The following NEK1 variants were observed in gnomAD, a reference collection of about 807,000 sequenced individuals.
NEK1 encodes the protein NIMA related kinase 1, also known as serine/threonine-protein kinase Nek1.
A neutral mutation model predicts 182.1 loss-of-function variants in NEK1; 137 were observed. The ratio of observed to expected loss-of-function variants is 0.75; its 90% CI spans 0.65 to 0.87. The LOEUF (loss-of-function observed/expected upper bound fraction) is 0.87, where lower values mean the gene tolerates loss of function less well. NEK1 is among the 40% of genes least tolerant of loss of function. The probability of loss-of-function intolerance (pLI) is 0.00; values close to 1 mark genes in which losing one functional copy is unlikely to be tolerated. For synonymous variants in NEK1, 513 were observed against 492.2 expected (o/e 1.04, Z -0.56); for missense variants, 1,391 against 1,494.4 (o/e 0.93, Z 1.14).
At chr4:169,575,032 A>G (rs1456826226) in intron 12 of NEK1, among the ~76,000 whole-genome samples, 2 of 151,780 alleles carry the variant, frequency 1.3e-5, no homozygotes, top group African/African-American at 2.4e-5. Context: ...TTTTGCACCA[A>G]CCTATAGAAA....
At chr4:169,555,615 A>G (rs1762049801) in intron 18 of NEK1, 105 bp downstream of exon 18, 1 of 1,468,922 alleles carries the variant, frequency 6.8e-7, no homozygotes, top group Non-Finnish European at 9.5e-7. Context: ...AAAACATCAT[A>G]TGTGAACAAT....
chr4:169,429,244 G>T (rs1011010451), intron 29 of NEK1, among the ~76,000 whole-genome samples: 3 of 152,082 alleles, frequency 2.0e-5, no homozygotes, highest in African/African-American at 7.2e-5. Context: ...AGTATTTTTA[G>T]CTATCTCCTT....
chr4:169,394,586 C>A (rs1730387396), intron 35 of NEK1, 63 bp from the exon 36 acceptor site: 4 of 1,022,244 alleles, frequency 3.9e-6, no homozygotes, highest in Admixed American at 5.5e-5. Context: ...TTAAAAAAAA[C>A]CCATTCTTGT....
chr4:169,429,858 C>T (rs998246470), intron 29 of NEK1, among the ~76,000 whole-genome samples: 10 of 152,094 alleles, frequency 6.6e-5, no homozygotes, highest in African/African-American at 2.4e-4. Context: ...AATTTATACA[C>T]ATTCTTTATA....
intron 27 of NEK1, among the ~76,000 whole-genome samples, chr4:169,448,372 A>C (rs1579717910): frequency 1.3e-5 from 2 of 152,174 alleles, no homozygotes; most frequent in East Asian, 3.8e-4. Flanking sequence ...CACTGTTGTC[A>C]TCAGTTTAAA....
intron 21 of NEK1, 35 bp from the exon 22 acceptor site, chr4:169,507,827 T>C (rs1319786622): frequency 1.4e-6 from 2 of 1,471,392 alleles, no homozygotes. Flanking sequence ...TCACTTAGGA[T>C]AGAATCATCA....
chr4:169,501,290 A>G (rs1264270868), intron 23 of NEK1, among the ~76,000 whole-genome samples: 1 of 152,158 alleles, frequency 6.6e-6, no homozygotes, highest in African/African-American at 2.4e-5. Flanking sequence ...ACAGACAATA[A>G]TATCATACAA....
At chr4:169,561,588 C>T (rs1309196771) in intron 15 of NEK1, 34 bp from the exon 16 acceptor site, 4 of 1,604,770 alleles carry the variant, frequency 2.5e-6, no homozygotes, top group Non-Finnish European at 3.4e-6. Context: ...AACACCATTT[C>T]AAGTATTTAA....
At chr4:169,586,467 T>A (rs10007145) in intron 9 of NEK1, among the ~76,000 whole-genome samples, 4 of 152,026 alleles carry the variant, frequency 2.6e-5, no homozygotes, top group African/African-American at 9.6e-5. Flanking sequence ...ATTGACACGC[T>A]CTTCATAAAG....
chr4:169,542,323 G>A (rs1024075965), intron 18 of NEK1, among the ~76,000 whole-genome samples: 2 of 152,156 alleles, frequency 1.3e-5, no homozygotes, highest in African/African-American at 4.8e-5. Context: ...CCCTGCAAAG[G>A]ACATGAACTC....
chr4:169,433,653 A>C lies in NEK1; in HGVS notation c.2777T>G (p.Leu926Trp), dbSNP rs777914750. 6.2e-6 allele frequency: 10 copies of C among 1,613,410 alleles called. No homozygotes were observed. The highest frequency in any genetic ancestry group is 8.5e-6 in the Non-Finnish European group (10 of 1,179,576). Residue 926 changes from leucine (L) to tryptophan (W), a missense_variant, in exon 29 of 36, where the codon TTG (leucine) becomes TGG (tryptophan). Coordinates refer to ENST00000507142, the MANE Select transcript of NEK1 (RefSeq NM_001199397.3). ...TGGCTCTTGTAGAATTTCTGTTTCC[A>C]AATCATCAGGTTCTGCAAAGGATAA... Reference protein sequence around the residue: ...LEGNLEEPDDLETEILQEPSG... With the variant: ...LEGNLEEPDDWETEILQEPSG...
At position 169,569,544 on chromosome 4, in the gene NEK1, C is replaced by T. The variant is rs542416242; in HGVS notation, c.1021-7348G>A. Among the ~76,000 whole-genome samples the T allele has an allele frequency of 3.1e-4, 46 of 150,182 alleles. No individual in the cohort carries two copies. The South Asian group carries it at 3.6e-3, about 12-fold the overall frequency. ...CCACAGTCTCCCTCTGATGCCGAGC[C>T]GAAGCTGGACTGTACTGCTGCCATC... On this transcript the variant is annotated intron_variant, in intron 12 of 35. Transcript: ENST00000507142.
intron 19 of NEK1, among the ~76,000 whole-genome samples, chr4:169,528,337 C>A (rs918256626): frequency 1.3e-5 from 2 of 152,198 alleles, no homozygotes; most frequent in Admixed American, 6.5e-5. Context: ...AGAAATGTCT[C>A]TACAAATGCA....
chr4:169,536,408 A>G (rs1309633073), intron 19 of NEK1, among the ~76,000 whole-genome samples: 1 of 152,144 alleles, frequency 6.6e-6, no homozygotes, highest in Non-Finnish European at 1.5e-5. Context: ...AAGGAAAAAG[A>G]TAAGAATGAA....
rs375080016 is a variant in NEK1 at position 169,508,863 on chromosome 4, T to A, written c.1666-11A>T. ...GTTTTGCAGGATTCCCTGTTTATCA[T>A]TTAATGTACTAAGTTTAAAGAATGA... On this transcript the variant is annotated splice_polypyrimidine_tract_variant and intron_variant, in intron 19 of 35. Transcript: ENST00000507142. The A allele has an allele frequency of 2.7e-5, 42 of 1,573,880 alleles. No homozygotes were observed. In the African/African-American group the frequency reaches 5.0e-4, roughly 19 times the overall value.
chr4:169,430,641 T>C (rs185265707), intron 29 of NEK1, among the ~76,000 whole-genome samples: 23 of 152,326 alleles, frequency 1.5e-4, no homozygotes, highest in Admixed American at 1.4e-3. Flanking sequence ...CAGAGGATTG[T>C]ACAGTATCAT....
chr4:169,434,347 G>A lies in NEK1; in HGVS notation c.2765-682C>T, dbSNP rs147278003. 3.3e-3 allele frequency among the ~76,000 whole-genome samples: 503 copies of A among 151,936 alleles called. 3 individuals are homozygous for A. The highest frequency in any genetic ancestry group is 9.3e-3 in the African/African-American group (386 of 41,430). On this transcript the variant is annotated intron_variant, in intron 28 of 35. Transcript: ENST00000507142. ...CCTGCCTCAGCCTCCTGAGTAGCTGGAACTATAGGCACACACTACCACACC... is the reference window on the plus strand; with the variant it reads ...CCTGCCTCAGCCTCCTGAGTAGCTGAAACTATAGGCACACACTACCACACC...
intron 32 of NEK1, among the ~76,000 whole-genome samples, chr4:169,404,795 TTTTAC>T (rs1356835775): frequency 6.7e-6 from 1 of 150,260 alleles, no homozygotes; most frequent in East Asian, 2.0e-4. Flanking sequence ...TTTTTTTTAA[TTTTAC>T]TTTAAGTTTT....
At chr4:169,540,031 AC>A (rs1325017498) in intron 18 of NEK1, among the ~76,000 whole-genome samples, 2 of 152,086 alleles carry the variant, frequency 1.3e-5, no homozygotes, top group Non-Finnish European at 2.9e-5. Context: ...CATATATAAC[AC>A]TACTTGCTCT....
Sources: allele counts gnomAD v4.1 joint callset (sites outside exome capture counted in the v4.1 genomes callset), GRCh38; gene constraint gnomAD v4.1.1; transcripts MANE v1.5; gene names NCBI Gene and HGNC (gene_info 2026-07-23, HGNC 2026-07-21).